The following UROC1 variants were observed in gnomAD, a reference collection of about 807,000 sequenced individuals.
The protein encoded by UROC1 is urocanate hydratase.
UROC1 carries 79 observed loss-of-function variants against 89.5 expected under a neutral mutation model. The ratio of observed to expected loss-of-function variants is 0.88; its 90% CI spans 0.74 to 1.06. The LOEUF is 1.06. UROC1 is among the 50% of genes least tolerant of loss of function. The pLI is 0.00. For missense variants in UROC1, 885 were observed against 907.8 expected (o/e 0.97, Z 0.32); for synonymous variants, 361 against 354.8 (o/e 1.02, Z -0.20).
At chr3:126,483,220 C>G in intron 19 of UROC1, 149 bp downstream of exon 19, 1 of 737,144 alleles carries the variant, frequency 1.4e-6, no homozygotes, top group East Asian at 2.7e-5. Context: ...TGAGCTGATT[C>G]CCCCTTCCTG....
At chr3:126,494,620 T>C (rs1453055034) in intron 15 of UROC1, among the ~76,000 whole-genome samples, 1 of 152,080 alleles carries the variant, frequency 6.6e-6, no homozygotes, top group Non-Finnish European at 1.5e-5. Flanking sequence ...TGGCCAAAGG[T>C]GTATGAACCA....
At chr3:126,498,293 CTG>C in intron 13 of UROC1, 121 bp from the exon 14 acceptor site, 1 of 1,556,820 alleles carries the variant, frequency 6.4e-7, no homozygotes, top group Admixed American at 1.7e-5. Flanking sequence ...ACCCCCTAAG[CTG>C]TCATTGGACA....
chr3:126,483,143 C>T (rs1276935981), intron 19 of UROC1, among the ~76,000 whole-genome samples: 1 of 152,202 alleles, frequency 6.6e-6, no homozygotes, highest in Non-Finnish European at 1.5e-5. Flanking sequence ...CCCGCCTTTG[C>T]TCCAAGCCTC....
rs945421664 is a variant in UROC1 at position 126,483,580 on chromosome 3, C to T, written c.1791-112G>A. 55 of 964,354 alleles carry T rather than the reference C, an allele frequency of 5.7e-5. 1 individual carries two copies. The highest frequency in any genetic ancestry group is 1.0e-4 in the Admixed American group (5 of 49,298). The allele number at this position is 964,354 out of a possible 1,614,324, so 59.7% of individuals were successfully genotyped here. A position where few individuals can be genotyped will look rare whatever the true frequency, so the allele number is the denominator to read the frequency against. ...CTTGAGACGGCGTCAGGGTTGGGGCCGCCACACCGCCAGCCTCTGCAACCT... is the reference window on the plus strand; with the variant it reads ...CTTGAGACGGCGTCAGGGTTGGGGCTGCCACACCGCCAGCCTCTGCAACCT... On this transcript the variant is annotated intron_variant, in intron 18 of 19. Transcript: ENST00000290868.
chr3:126,495,050 C>G (rs1935746514), intron 15 of UROC1, among the ~76,000 whole-genome samples: 1 of 152,236 alleles, frequency 6.6e-6, no homozygotes. Context: ...GGAGGCTTCT[C>G]AGGCCCAGGC....
At chr3:126,502,052 T>C in intron 9 of UROC1, 1 of 1,239,372 alleles carries the variant, frequency 8.1e-7, no homozygotes, top group Non-Finnish European at 1.1e-6. Flanking sequence ...TTCCTTAAAC[T>C]GATTTTGATG....
intron 19 of UROC1, 21 bp downstream of exon 19, chr3:126,483,348 G>T: frequency 6.2e-7 from 1 of 1,607,580 alleles, no homozygotes. Flanking sequence ...TCAGGAGGTG[G>T]CAAGGACTGG....
intron 16 of UROC1, among the ~76,000 whole-genome samples, chr3:126,490,324 T>C (rs1935613504): frequency 6.6e-6 from 1 of 152,066 alleles, no homozygotes; most frequent in African/African-American, 2.4e-5. Context: ...GCCCTGGAAG[T>C]CAGGTAGGGC....
intron 12 of UROC1, 149 bp downstream of exon 12, chr3:126,499,908 G>A (rs1160670891): frequency 4.1e-6 from 3 of 724,710 alleles, no homozygotes; most frequent in Non-Finnish European, 7.0e-6. Context: ...GCATCCAGAA[G>A]GCCTGGCAGA....
chr3:126,497,828 C>G (rs946600525), intron 14 of UROC1, among the ~76,000 whole-genome samples: 1 of 152,234 alleles, frequency 6.6e-6, no homozygotes. Context: ...TGTGCCTCCA[C>G]GGCTGAGAAC....
chr3:126,505,354 A>G (rs554998181), intron 8 of UROC1, among the ~76,000 whole-genome samples: 1 of 152,188 alleles, frequency 6.6e-6, no homozygotes, highest in Non-Finnish European at 1.5e-5. Context: ...TCATTTATTC[A>G]CACACATTCA....
At chr3:126,509,182 G>A (rs527427179) in intron 3 of UROC1, among the ~76,000 whole-genome samples, 190 of 150,216 alleles carry the variant, frequency 1.3e-3, no homozygotes, top group Non-Finnish European at 2.4e-3. Flanking sequence ...GTTGCAGTGA[G>A]CCAAGATCAA....
At position 126,512,707 on chromosome 3, in the gene UROC1, T is replaced by C. The variant is rs373943473; in HGVS notation, c.127-1913A>G. On this transcript the variant is annotated intron_variant, in intron 1 of 19. Coordinates refer to ENST00000290868, the MANE Select transcript of UROC1 (RefSeq NM_144639.3). ...TGCTGCACTCCAGCTTGGACAAAAC[T>C]AGACCCTGTCTCTAAAATGTATACA... 3.3e-5 allele frequency among the ~76,000 whole-genome samples: 5 copies of C among 152,292 alleles called. No homozygotes were observed. The East Asian group carries it at 5.8e-4, about 18-fold the overall frequency.
chr3:126,486,374 T>C (rs1462053503), intron 18 of UROC1, among the ~76,000 whole-genome samples: 1 of 152,242 alleles, frequency 6.6e-6, no homozygotes, highest in Non-Finnish European at 1.5e-5. Flanking sequence ...AACAAGAGCC[T>C]GGCTCTTGTC....
At position 126,482,228 on chromosome 3, in the gene UROC1, G is replaced by A. The variant is rs1935404400; in HGVS notation, c.*117C>T. On this transcript the variant is annotated 3_prime_UTR_variant, in exon 20 of 20. Coordinates refer to ENST00000290868, the MANE Select transcript of UROC1 (RefSeq NM_144639.3). ...CTGCACAGGGCACCATAAGGGCCAC[G>A]TGAGGATGTGCGAGAAGTGCAGGTA... 10 of 1,480,444 alleles carry A rather than the reference G, an allele frequency of 6.8e-6. No homozygotes were observed. The highest frequency in any genetic ancestry group is 2.3e-5 in the East Asian group (1 of 43,868). 91.7% of individuals were successfully genotyped at this position (1,480,444 alleles called of 1,614,324 possible).
intron 18 of UROC1, among the ~76,000 whole-genome samples, chr3:126,486,059 T>G (rs1935508813): frequency 6.6e-6 from 1 of 152,082 alleles, no homozygotes; most frequent in Non-Finnish European, 1.5e-5. Flanking sequence ...GCAGAATCCA[T>G]CGGCGCCCCA....
At chr3:126,501,804 G>C (rs751127855) in intron 9 of UROC1, 2 of 1,599,464 alleles carry the variant, frequency 1.3e-6, no homozygotes, top group East Asian at 4.5e-5. Context: ...TGCTTACCAG[G>C]AGTGGCCTGG....
chr3:126,515,176 C>A (rs918639527), intron 1 of UROC1, among the ~76,000 whole-genome samples: 1 of 152,090 alleles, frequency 6.6e-6, no homozygotes, highest in African/African-American at 2.4e-5. Flanking sequence ...GAGCTGATCA[C>A]AGCCACAGGG....
At chr3:126,488,760 C>T (rs939801155) in intron 17 of UROC1, among the ~76,000 whole-genome samples, 4 of 152,232 alleles carry the variant, frequency 2.6e-5, no homozygotes, top group African/African-American at 7.2e-5. Context: ...GAGCCCAAGC[C>T]GGTCACCTTA....
Sources: allele counts gnomAD v4.1 joint callset (sites outside exome capture counted in the v4.1 genomes callset), GRCh38; gene constraint gnomAD v4.1.1; transcripts MANE v1.5; gene names NCBI Gene and HGNC (gene_info 2026-07-23, HGNC 2026-07-21).